Variants in TMEM45B observed in about 807,000 individuals in gnomAD.
TMEM45B encodes the protein transmembrane protein 45B.
TMEM45B carries 29 observed loss-of-function variants against 27.3 expected under a neutral mutation model. That is an observed-to-expected ratio of 1.06 (90% CI 0.79 to 1.45). The LOEUF (loss-of-function observed/expected upper bound fraction) is 1.45, where lower values mean the gene tolerates loss of function less well. TMEM45B is among the 40% of genes most tolerant of loss of function. The probability of loss-of-function intolerance (pLI) is 0.00; values close to 1 mark genes in which losing one functional copy is unlikely to be tolerated. For missense variants in TMEM45B, 348 were observed against 343.9 expected (o/e 1.01, Z -0.09); for synonymous variants, 143 against 134.7 (o/e 1.06, Z -0.43).
At chr11:129,842,797 G>A (rs993236825) in intron 1 of TMEM45B, among the ~76,000 whole-genome samples, 3 of 152,186 alleles carry the variant, frequency 2.0e-5, no homozygotes, top group African/African-American at 7.2e-5. Context: ...AAGTAAAGGA[G>A]TAGGATTGCA....
At chr11:129,841,955 C>T (rs112159438) in intron 1 of TMEM45B, among the ~76,000 whole-genome samples, 9,856 of 152,066 alleles carry the variant, frequency 0.065, 417 homozygotes, top group Non-Finnish European at 0.093. Flanking sequence ...TTAAATGACT[C>T]GACAAATAGG....
chr11:129,834,909 G>A (rs1271567340), intron 1 of TMEM45B, among the ~76,000 whole-genome samples: 5 of 152,036 alleles, frequency 3.3e-5, no homozygotes, highest in Non-Finnish European at 5.9e-5. Flanking sequence ...AATGTTAAAC[G>A]TACTTCTGGT....
intron 1 of TMEM45B, among the ~76,000 whole-genome samples, chr11:129,827,931 C>T (rs1227541130): frequency 3.3e-5 from 5 of 152,066 alleles, no homozygotes; most frequent in Non-Finnish European, 7.4e-5. Flanking sequence ...GATCGTGCCA[C>T]CGCCCTCCAG....
rs555207112 is a variant in TMEM45B, at chr11:129,845,900, G to C, written c.-8-6575G>C. On this transcript the variant is annotated intron_variant, in intron 1 of 5. Coordinates refer to ENST00000281441, the MANE Select transcript of TMEM45B (RefSeq NM_138788.5). Reference sequence around the variant, plus strand: ...TTCTGGAAGCTGCAGCAAAAGGTAGGGTGGGTGGAAAACAAGAAAAAGGCA... The same window carrying C: ...TTCTGGAAGCTGCAGCAAAAGGTAGCGTGGGTGGAAAACAAGAAAAAGGCA... Among the ~76,000 whole-genome samples, 56 of 152,236 alleles carry C rather than the reference G, an allele frequency of 3.7e-4. No individual in the cohort carries two copies. The South Asian group carries it at 0.011, about 30-fold the overall frequency.
At chr11:129,824,894 G>A (rs1369085821) in intron 1 of TMEM45B, among the ~76,000 whole-genome samples, 2 of 152,124 alleles carry the variant, frequency 1.3e-5, no homozygotes, top group African/African-American at 4.8e-5. Flanking sequence ...CCAAGTAAGA[G>A]GAATGAAAAG....
At chr11:129,818,233 C>A (rs192427898) in intron 1 of TMEM45B, among the ~76,000 whole-genome samples, 104 of 152,328 alleles carry the variant, frequency 6.8e-4, no homozygotes, top group African/African-American at 2.4e-3. Context: ...TCTCTCTTTT[C>A]TATTCTCTTG....
At chr11:129,837,317 G>A (rs553756851) in intron 1 of TMEM45B, among the ~76,000 whole-genome samples, 1 of 151,938 alleles carries the variant, frequency 6.6e-6, no homozygotes, top group Admixed American at 6.6e-5. Context: ...ACGGAGTCTT[G>A]CTCTGTCTCT....
chr11:129,851,326 C>T, intron 1 of TMEM45B, among the ~76,000 whole-genome samples: 1 of 151,696 alleles, frequency 6.6e-6, no homozygotes. Flanking sequence ...GGCAGATCAC[C>T]TAAGGTCAGG....
chr11:129,845,194 C>A (rs1305887090), intron 1 of TMEM45B, among the ~76,000 whole-genome samples: 2 of 152,080 alleles, frequency 1.3e-5, no homozygotes, highest in African/African-American at 4.8e-5. Flanking sequence ...CACACACACG[C>A]ACACGTCTCT....
intron 1 of TMEM45B, among the ~76,000 whole-genome samples, chr11:129,834,696 G>A (rs1379001174): frequency 6.7e-6 from 1 of 150,316 alleles, no homozygotes; most frequent in Non-Finnish European, 1.5e-5. Context: ...CTGTAGTCCC[G>A]GCTACTCGGG....
chr11:129,822,963 C>T (rs1386527617), intron 1 of TMEM45B, among the ~76,000 whole-genome samples: 1 of 151,744 alleles, frequency 6.6e-6, no homozygotes, highest in Non-Finnish European at 1.5e-5. Context: ...ACCTCAGCCT[C>T]CTGAGTAGCT....
chr11:129,827,306 T>C (rs1947496977), intron 1 of TMEM45B, among the ~76,000 whole-genome samples: 1 of 152,240 alleles, frequency 6.6e-6, no homozygotes, highest in Non-Finnish European at 1.5e-5. Flanking sequence ...CATAGCCTAC[T>C]ACACATCTAG....
intron 1 of TMEM45B, among the ~76,000 whole-genome samples, chr11:129,836,720 C>G (rs970107149): frequency 6.6e-6 from 1 of 152,162 alleles, no homozygotes; most frequent in African/African-American, 2.4e-5. Context: ...AGGAGAGAGG[C>G]CTCCAGAACT....
intron 1 of TMEM45B, among the ~76,000 whole-genome samples, chr11:129,849,795 C>T (rs1947818212): frequency 6.6e-6 from 1 of 152,168 alleles, no homozygotes; most frequent in Non-Finnish European, 1.5e-5. Flanking sequence ...TCTCTGAGAC[C>T]CCGCAGGCGC....
chr11:129,845,060 T>C (rs1947740502), intron 1 of TMEM45B, among the ~76,000 whole-genome samples: 1 of 152,106 alleles, frequency 6.6e-6, no homozygotes, highest in Non-Finnish European at 1.5e-5. Flanking sequence ...CTTTGAAAAA[T>C]GTAAAATTGC....
At chr11:129,844,548 G>C (rs750625346) in intron 1 of TMEM45B, among the ~76,000 whole-genome samples, 1 of 152,144 alleles carries the variant, frequency 6.6e-6, no homozygotes, top group Admixed American at 6.5e-5. Context: ...TTGGCCAGGC[G>C]TGGTGGCCTG....
intron 1 of TMEM45B, among the ~76,000 whole-genome samples, chr11:129,834,681 T>G (rs1947597387): frequency 6.6e-6 from 1 of 152,006 alleles, no homozygotes; most frequent in Non-Finnish European, 1.5e-5. Context: ...TGTGGTGGCA[T>G]GCACCTGTAG....
chr11:129,848,395 C>T (rs1276942132), intron 1 of TMEM45B, among the ~76,000 whole-genome samples: 1 of 152,166 alleles, frequency 6.6e-6, no homozygotes, highest in Non-Finnish European at 1.5e-5. Context: ...GGCCTGCAAT[C>T]CCAGGCACTC....
At position 129,857,227 on chromosome 11, in the gene TMEM45B, G is replaced by C; in HGVS notation, c.571-86G>C. 6 of 1,522,036 alleles carry C rather than the reference G, an allele frequency of 3.9e-6. No homozygotes were observed. In the South Asian group the frequency reaches 7.2e-5, roughly 18 times the overall value. The allele number at this position is 1,522,036 out of a possible 1,614,324, so 94.3% of individuals were successfully genotyped here. A position where few individuals can be genotyped will look rare whatever the true frequency, so the allele number is the denominator to read the frequency against. On this transcript the variant is annotated intron_variant, in intron 4 of 5. Transcript: ENST00000281441. ...AACTATGAGGCGGTGGTCACACATG[G>C]GCCACTTCGGTGGCCACAGGAGAAC...
Sources: allele counts gnomAD v4.1 joint callset (sites outside exome capture counted in the v4.1 genomes callset), GRCh38; gene constraint gnomAD v4.1.1; transcripts MANE v1.5; gene names NCBI Gene and HGNC (gene_info 2026-07-23, HGNC 2026-07-21).